The following QTGAL variants were observed in gnomAD, a reference collection of about 807,000 sequenced individuals.
QTGAL encodes the protein queuosine-tRNA galactosyltransferase, also known as BGnT-like protein 1.
chr17:82,958,997 TGTGTATACTGTGTGGGGGTGTATG>T, the QTGAL span, among the ~76,000 whole-genome samples: 1 of 79,622 alleles, frequency 1.3e-5, no homozygotes, highest in South Asian at 6.1e-4. Context: ...GGTGTGTGTG[TGTGTATACTGTGTGGGGGTGTATG>T]GTGTGTGTGT....
the QTGAL span, among the ~76,000 whole-genome samples, chr17:82,959,215 G>A: frequency 6.6e-6 from 1 of 151,902 alleles, no homozygotes; most frequent in African/African-American, 2.4e-5. Flanking sequence ...CGGAGTACAT[G>A]CCTGTATGTA....
At chr17:83,012,380 T>C in the QTGAL span, among the ~76,000 whole-genome samples, 1 of 152,258 alleles carries the variant, frequency 6.6e-6, no homozygotes, top group Non-Finnish European at 1.5e-5. Context: ...TTTTTCAGTA[T>C]GGAAATGAAA....
the QTGAL span, among the ~76,000 whole-genome samples, chr17:83,016,008 G>A: frequency 3.9e-5 from 6 of 152,178 alleles, no homozygotes; most frequent in Non-Finnish European, 2.9e-5. Context: ...ACTTTTTGGG[G>A]GGAAGTCGAG....
At chr17:82,963,204 C>T in the QTGAL span, among the ~76,000 whole-genome samples, 7 of 152,202 alleles carry the variant, frequency 4.6e-5, no homozygotes, top group Non-Finnish European at 7.3e-5. Flanking sequence ...GAGCTAAAGC[C>T]ACTCCCAGGA....
chr17:83,036,972 C>T, the QTGAL span, among the ~76,000 whole-genome samples: 1 of 152,020 alleles, frequency 6.6e-6, no homozygotes, highest in South Asian at 2.1e-4. Context: ...GCATTTAGCC[C>T]AAAATGAGGG....
At chr17:82,950,251 G>A in the QTGAL span, among the ~76,000 whole-genome samples, 31 of 152,300 alleles carry the variant, frequency 2.0e-4, no homozygotes, top group South Asian at 1.0e-3. Flanking sequence ...ATGCTCAGCC[G>A]GCTCCCTGGG....
the QTGAL span, among the ~76,000 whole-genome samples, chr17:82,951,879 A>AG: frequency 6.6e-6 from 1 of 151,864 alleles, no homozygotes; most frequent in East Asian, 1.9e-4. Context: ...ACTGATTCAT[A>AG]TGGGCGCCCC....
chr17:83,010,287 G>A, the QTGAL span, among the ~76,000 whole-genome samples: 20 of 152,296 alleles, frequency 1.3e-4, no homozygotes, highest in African/African-American at 2.9e-4. Flanking sequence ...TGTTGAAGGC[G>A]AAGGTGAAGG....
chr17:83,000,782 G>A, the QTGAL span, among the ~76,000 whole-genome samples: 16 of 152,342 alleles, frequency 1.1e-4, no homozygotes, highest in African/African-American at 3.8e-4. Flanking sequence ...CCAACACACT[G>A]TTCGAGGGTC....
chr17:82,961,216 C>T, the QTGAL span: 2 of 1,592,988 alleles, frequency 1.3e-6, no homozygotes, highest in Admixed American at 1.8e-5. Context: ...ATCACTGGGG[C>T]CCCAGAAACG....
the QTGAL span, among the ~76,000 whole-genome samples, chr17:82,951,885 G>A: frequency 3.3e-5 from 5 of 151,702 alleles, no homozygotes; most frequent in East Asian, 1.9e-4. Context: ...TCATATGGGC[G>A]CCCCGAGATA....
At chr17:82,963,413 T>C in the QTGAL span, among the ~76,000 whole-genome samples, 7 of 152,032 alleles carry the variant, frequency 4.6e-5, no homozygotes, top group Admixed American at 3.9e-4. Context: ...GGCCCAGCGA[T>C]TGGAGTCCGC....
the QTGAL span, chr17:83,048,624 T>G: frequency 1.2e-6 from 2 of 1,605,696 alleles, no homozygotes; most frequent in Admixed American, 3.3e-5. Flanking sequence ...AGTCAACCGT[T>G]GCTTACACTG....
At chr17:83,038,634 G>A in the QTGAL span, among the ~76,000 whole-genome samples, 4,783 of 152,216 alleles carry the variant, frequency 0.031, 254 homozygotes, top group African/African-American at 0.11. Flanking sequence ...CAAGGCAGGC[G>A]GATCAGGAGG....
the QTGAL span, among the ~76,000 whole-genome samples, chr17:83,023,568 A>C: frequency 6.6e-6 from 1 of 152,254 alleles, no homozygotes; most frequent in Non-Finnish European, 1.5e-5. Context: ...ACCTGCATTT[A>C]ATCAGTTACT....
chr17:83,012,773 ACATTTTCCCC>A, the QTGAL span, among the ~76,000 whole-genome samples: 1 of 152,164 alleles, frequency 6.6e-6, no homozygotes, highest in Non-Finnish European at 1.5e-5. Context: ...ATCCCGAAGG[ACATTTTCCCC>A]CATTTTCCCC....
chr17:82,965,894 A>G, the QTGAL span: 10 of 792,948 alleles, frequency 1.3e-5, no homozygotes, highest in Admixed American at 4.9e-5. Context: ...AGACTTCACC[A>G]CGGGGCCGAC....
the QTGAL span, among the ~76,000 whole-genome samples, chr17:83,050,082 G>C: frequency 1.3e-5 from 2 of 152,096 alleles, no homozygotes; most frequent in Non-Finnish European, 2.9e-5. Flanking sequence ...AGAATAAAAC[G>C]AGTTCTGGCC....
the QTGAL span, among the ~76,000 whole-genome samples, chr17:82,966,096 T>G: frequency 0.012 from 1,889 of 151,780 alleles, 34 homozygotes; most frequent in African/African-American, 0.042. Flanking sequence ...TTTTTTTTTT[T>G]TTGTAGAGAT....
Sources: gnomAD v4.1 joint callset for allele counts (sites outside exome capture counted in the v4.1 genomes callset) on GRCh38, gnomAD v4.1.1 for gene constraint, MANE v1.5 for transcripts, NCBI Gene and HGNC (gene_info 2026-07-23, HGNC 2026-07-21) for gene names.